Variants in PPARGC1A observed in about 807,000 individuals in gnomAD.
PPARGC1A encodes peroxisome proliferator-activated receptor gamma coactivator 1-alpha.
A neutral mutation model predicts 88.7 loss-of-function variants in PPARGC1A; 25 were observed. That is an observed-to-expected ratio of 0.28 (90% CI 0.21 to 0.39). The LOEUF is 0.39. PPARGC1A is among the 10% of genes least tolerant of loss of function. The pLI, the probability that PPARGC1A is intolerant of heterozygous loss-of-function variation, is 1.00. For synonymous variants in PPARGC1A, 363 were observed against 355.6 expected (o/e 1.02, Z -0.24); for missense variants, 880 against 968.7 (o/e 0.91, Z 1.22).
At chr4:24,319,252 G>T in the PPARGC1A span, among the ~76,000 whole-genome samples, 3 of 152,086 alleles carry the variant, frequency 2.0e-5, no homozygotes, top group Non-Finnish European at 2.9e-5. Flanking sequence ...TGAGGTGGGG[G>T]GATCCCTTGA....
chr4:24,448,038 G>A, the PPARGC1A span, among the ~76,000 whole-genome samples: 1 of 152,140 alleles, frequency 6.6e-6, no homozygotes, highest in Admixed American at 6.5e-5. Flanking sequence ...CTGAATTCCA[G>A]CTCCTCACAA....
chr4:24,236,694 C>A, the PPARGC1A span, among the ~76,000 whole-genome samples: 1 of 152,140 alleles, frequency 6.6e-6, no homozygotes, highest in African/African-American at 2.4e-5. Flanking sequence ...ATATCCTGCC[C>A]CATCTGCAAA....
chr4:24,034,083 G>A, the PPARGC1A span, among the ~76,000 whole-genome samples: 1 of 152,086 alleles, frequency 6.6e-6, no homozygotes, highest in Non-Finnish European at 1.5e-5. Context: ...GGTATCTGCT[G>A]GACTTGCAAA....
intron 7 of PPARGC1A, chr4:23,820,597 G>T: frequency 4.6e-6 from 2 of 430,652 alleles, no homozygotes; most frequent in South Asian, 1.7e-5. Context: ...CTCTCATCTT[G>T]CTTTACTAAC....
chr4:23,960,853 A>G, the PPARGC1A span, among the ~76,000 whole-genome samples: 1 of 152,140 alleles, frequency 6.6e-6, no homozygotes, highest in African/African-American at 2.4e-5. Context: ...TTTCTCTGGG[A>G]AACTGATGGA....
chr4:24,038,264 C>T, the PPARGC1A span, among the ~76,000 whole-genome samples: 1 of 152,266 alleles, frequency 6.6e-6, no homozygotes, highest in Non-Finnish European at 1.5e-5. Flanking sequence ...CTCTACAAAA[C>T]CAGACCTGGA....
intron 2 of PPARGC1A, among the ~76,000 whole-genome samples, chr4:23,849,551 G>T (rs1418908403): frequency 6.6e-6 from 1 of 151,944 alleles, no homozygotes; most frequent in Non-Finnish European, 1.5e-5. Context: ...ATATAAACAG[G>T]GGATACAGAT....
the PPARGC1A span, among the ~76,000 whole-genome samples, chr4:24,327,071 C>T: frequency 6.6e-6 from 1 of 152,130 alleles, no homozygotes; most frequent in Non-Finnish European, 1.5e-5. Flanking sequence ...ATTAAAAACA[C>T]ACCTCACCAA....
Position 23,829,603 on chromosome 4 carries a change from GA to G in PPARGC1A, c.430-19del. ...TTCTTAAGCTAGAAACATTATCAGG[GA>G]AAGGGAAAAGCAAGTAAAGTTATGC... On this transcript the variant is annotated intron_variant, in intron 3 of 12. Coordinates refer to ENST00000264867, the MANE Select transcript of PPARGC1A (RefSeq NM_013261.5). The G allele has an allele frequency of 6.2e-7, 1 of 1,604,622 alleles. No individual in the cohort carries two copies. Among genetic ancestry groups the G allele is most frequent in the South Asian group, 1.1e-5 (1 of 89,094 alleles).
At chr4:23,841,649 C>G (rs1277380620) in intron 2 of PPARGC1A, among the ~76,000 whole-genome samples, 1 of 151,844 alleles carries the variant, frequency 6.6e-6, no homozygotes, top group African/African-American at 2.4e-5. Flanking sequence ...AAACCTGGAG[C>G]CATTTTAAAA....
chr4:23,991,813 GA>G, the PPARGC1A span, among the ~76,000 whole-genome samples: 1 of 151,926 alleles, frequency 6.6e-6, no homozygotes. Context: ...TCAACAACTA[GA>G]ATGAAAATTT....
the PPARGC1A span, among the ~76,000 whole-genome samples, chr4:24,347,533 T>G: frequency 6.6e-6 from 1 of 152,334 alleles, no homozygotes; most frequent in South Asian, 2.1e-4. Context: ...TTTTAACTGC[T>G]GTTGCTTTAA....
At chr4:24,313,652 G>A in the PPARGC1A span, among the ~76,000 whole-genome samples, 126 of 152,274 alleles carry the variant, frequency 8.3e-4, 1 homozygote, top group East Asian at 5.0e-3. Flanking sequence ...CATCCAGCCC[G>A]TCTGAGAATG....
chr4:23,833,804 A>G (rs1725489400), intron 2 of PPARGC1A, among the ~76,000 whole-genome samples: 1 of 152,242 alleles, frequency 6.6e-6, no homozygotes, highest in Non-Finnish European at 1.5e-5. Flanking sequence ...TTTAATTTGC[A>G]TAATGCATCC....
the PPARGC1A span, among the ~76,000 whole-genome samples, chr4:24,286,242 G>T: frequency 6.6e-6 from 1 of 152,124 alleles, no homozygotes; most frequent in African/African-American, 2.4e-5. Context: ...TATTGCTACC[G>T]AGGGAAAGTT....
chr4:23,872,948 C>T (rs7663512), intron 2 of PPARGC1A, among the ~76,000 whole-genome samples: 38,264 of 151,672 alleles, frequency 0.25, 6,057 homozygotes, highest in East Asian at 0.55. Flanking sequence ...TCCCGCACTT[C>T]GGGAGGCCGA....
At chr4:23,935,815 A>G in the PPARGC1A span, among the ~76,000 whole-genome samples, 1 of 152,150 alleles carries the variant, frequency 6.6e-6, no homozygotes, top group Non-Finnish European at 1.5e-5. Context: ...TCCAAACCTC[A>G]TGTTCTTAAC....
At chr4:23,992,425 T>C in the PPARGC1A span, among the ~76,000 whole-genome samples, 2 of 152,130 alleles carry the variant, frequency 1.3e-5, no homozygotes, top group African/African-American at 4.8e-5. Context: ...TGATCTCATT[T>C]AGCCTACATA....
the PPARGC1A span, among the ~76,000 whole-genome samples, chr4:24,339,830 C>A: frequency 6.6e-6 from 1 of 152,180 alleles, no homozygotes; most frequent in Non-Finnish European, 1.5e-5. Flanking sequence ...CGTCCACCTG[C>A]CGGGTTCACT....
Sources: gnomAD v4.1 joint callset for allele counts (sites outside exome capture counted in the v4.1 genomes callset) on GRCh38, gnomAD v4.1.1 for gene constraint, MANE v1.5 for transcripts, NCBI Gene and HGNC (gene_info 2026-07-23, HGNC 2026-07-21) for gene names.